The following MAP2K3 variants were observed in gnomAD, a reference collection of about 807,000 sequenced individuals.
MAP2K3 encodes mitogen-activated protein kinase kinase 3.
In MAP2K3, 30 loss-of-function variants were observed where a neutral mutation model predicts 46.4. The observed-to-expected ratio is 0.65, with a 90% CI of 0.48 to 0.88. The LOEUF is 0.88. MAP2K3 is among the 40% of genes least tolerant of loss of function. The probability of loss-of-function intolerance (pLI) is 0.00; values close to 1 mark genes in which losing one functional copy is unlikely to be tolerated. For missense variants in MAP2K3, 380 were observed against 464.5 expected (o/e 0.82, Z 1.67); for synonymous variants, 189 against 176.3 (o/e 1.07, Z -0.57).
chr17:21,289,364 A>G (rs1324849557), intron 1 of MAP2K3, among the ~76,000 whole-genome samples: 1 of 147,258 alleles, frequency 6.8e-6, no homozygotes, highest in Admixed American at 6.9e-5. Context: ...ATTAGAACTC[A>G]GGCCCCTGGG....
intron 1 of MAP2K3, among the ~76,000 whole-genome samples, chr17:21,297,651 G>C (rs1161805949): frequency 6.6e-6 from 1 of 152,310 alleles, no homozygotes; most frequent in African/African-American, 2.4e-5. Flanking sequence ...CAGAAATGCT[G>C]ACCCTCCGTT....
In MAP2K3 at chr17:21,314,366, C is replaced by T. The variant is rs1977310081; in HGVS notation, c.*136C>T. Reference sequence around the variant, plus strand: ...GAGGAACCGAGGGGGCTGCTCCCACCTGGCTCTGTGGCGAGCCATTTGTCC... The same window carrying T: ...GAGGAACCGAGGGGGCTGCTCCCACTTGGCTCTGTGGCGAGCCATTTGTCC... On this transcript the variant is annotated 3_prime_UTR_variant, in exon 12 of 12. Coordinates refer to ENST00000342679, the MANE Select transcript of MAP2K3 (RefSeq NM_145109.3). 1 of 794,538 alleles carries T rather than the reference C, an allele frequency of 1.3e-6. No individual in the cohort carries two copies. Among genetic ancestry groups the T allele is most frequent in the African/African-American group, 1.7e-5 (1 of 58,806 alleles). The allele number at this position is 794,538 out of a possible 1,614,324, so 49.2% of individuals were successfully genotyped here.
chr17:21,295,210 T>C (rs1976171482), intron 1 of MAP2K3, among the ~76,000 whole-genome samples: 1 of 152,302 alleles, frequency 6.6e-6, no homozygotes, highest in African/African-American at 2.4e-5. Context: ...GGTCGGGGGC[T>C]CTAGTTGGGG....
Position 21,300,940 on chromosome 17 carries a change from C to T in MAP2K3, c.346C>T (p.Arg116Cys), listed in dbSNP as rs769330208. 53 of 1,614,084 alleles carry T rather than the reference C, an allele frequency of 3.3e-5. No homozygotes were observed. The African/African-American group carries it at 4.3e-4, about 13-fold the overall frequency. The change falls in exon 5 of 12, where the codon CGC (arginine) becomes TGC (cysteine). Residue 116 changes from arginine (R) to cysteine (C), a missense_variant. By Grantham distance (180) the Arg-to-Cys change is radical (BLOSUM62 -3). Transcript: ENST00000342679. Reference protein sequence around the residue: ...RLLMDLDINMRTVDCFYTVTF... With the variant: ...RLLMDLDINMCTVDCFYTVTF... ...GCTCATGGACCTGGACATCAACATG[C>T]GCACGGTCGACTGTTTCTACACTGT...
intron 1 of MAP2K3, among the ~76,000 whole-genome samples, chr17:21,286,031 A>T (rs1975713604): frequency 6.6e-6 from 1 of 152,128 alleles, no homozygotes; most frequent in Non-Finnish European, 1.5e-5. Flanking sequence ...CTGAACCTGC[A>T]GCTGCTTCAC....
chr17:21,307,317 T>A (rs1311655029), intron 9 of MAP2K3, among the ~76,000 whole-genome samples: 1 of 152,302 alleles, frequency 6.6e-6, no homozygotes, highest in Non-Finnish European at 1.5e-5. Flanking sequence ...AGGAGCTCCA[T>A]GCCAGGAACA....
chr17:21,302,770 G>A (rs1976678136), intron 6 of MAP2K3, among the ~76,000 whole-genome samples: 1 of 152,312 alleles, frequency 6.6e-6, no homozygotes, highest in African/African-American at 2.4e-5. Context: ...CACTGCATCT[G>A]GAAACATTTA....
intron 9 of MAP2K3, among the ~76,000 whole-genome samples, chr17:21,307,667 C>CT (rs1444298095): frequency 6.6e-6 from 1 of 152,230 alleles, no homozygotes; most frequent in Non-Finnish European, 1.5e-5. Context: ...GTGGTTATAA[C>CT]TTTATTTATT....
At position 21,302,150 on chromosome 17, in the gene MAP2K3, T is replaced by G. The variant is rs749679371; in HGVS notation, c.407T>G (p.Val136Gly). 1.2e-6 allele frequency: 2 copies of G among 1,614,258 alleles called. No individual in the cohort carries two copies. Among genetic ancestry groups the G allele is most frequent in the Admixed American group, 1.7e-5 (1 of 60,032 alleles). Residue 136 changes from valine (V) to glycine (G), a missense_variant, in exon 6 of 12, where the codon GTG becomes GGG. Physicochemically the swap from Val to Gly is moderately radical, Grantham distance 109 (BLOSUM62 -3). Coordinates refer to ENST00000342679, the MANE Select transcript of MAP2K3 (RefSeq NM_145109.3). ...TCTGGGTGTCACCCACAGGGAGACGTGTGGATCTGCATGGAGCTCATGGAC... is the reference window on the plus strand; with the variant it reads ...TCTGGGTGTCACCCACAGGGAGACGGGTGGATCTGCATGGAGCTCATGGAC... ...FYGALFREGD[V>G]WICMELMDTS...
In MAP2K3 at chr17:21,301,993, G is replaced by C. The variant is rs897189530; in HGVS notation, c.400-150G>C. On this transcript the variant is annotated intron_variant, in intron 5 of 11. Coordinates refer to ENST00000342679, the MANE Select transcript of MAP2K3 (RefSeq NM_145109.3). Reference sequence around the variant, plus strand: ...GGGTGGGGGAAGCGGGCAAGTGGGTGGTGGGTGGGAGCCCGGTGAACTGTG... The same window carrying C: ...GGGTGGGGGAAGCGGGCAAGTGGGTCGTGGGTGGGAGCCCGGTGAACTGTG... The C allele has an allele frequency of 8.1e-4, 616 of 763,852 alleles. No individual in the cohort carries two copies. The African/African-American group carries it at 9.6e-3, about 12-fold the overall frequency. 47.3% of individuals were successfully genotyped at this position (763,852 alleles called of 1,614,324 possible).
chr17:21,311,981 T>C, intron 9 of MAP2K3, 161 bp from the exon 10 acceptor site: 1 of 655,366 alleles, frequency 1.5e-6, no homozygotes, highest in Non-Finnish European at 2.4e-6. Context: ...TCCCCGGCTT[T>C]CTCGCCTTTG....
chr17:21,307,165 C>G (rs963528349), intron 9 of MAP2K3, among the ~76,000 whole-genome samples: 1 of 152,308 alleles, frequency 6.6e-6, no homozygotes, highest in South Asian at 2.1e-4. Flanking sequence ...TTCCCACCCT[C>G]TATAATCAGC....
intron 1 of MAP2K3, chr17:21,296,314 C>A (rs1419635818): frequency 3.0e-6 from 2 of 672,520 alleles, no homozygotes; most frequent in African/African-American, 1.9e-5. Context: ...CACGGCTGCG[C>A]CACTCCAAGC....
At chr17:21,303,034 G>A (rs1235748499) in intron 6 of MAP2K3, 149 bp from the exon 7 acceptor site, 1 of 1,022,868 alleles carries the variant, frequency 9.8e-7, no homozygotes, top group East Asian at 2.6e-5. Context: ...GCCAGGACAG[G>A]GCAGGAGGCT....
chr17:21,296,060 G>A (rs1976226879), intron 1 of MAP2K3: 2 of 1,289,178 alleles, frequency 1.6e-6, no homozygotes, highest in South Asian at 2.5e-5. Context: ...CATTACTTAG[G>A]GCAGTTTTTT....
At chr17:21,307,989 G>T (rs1976982101) in intron 9 of MAP2K3, among the ~76,000 whole-genome samples, 1 of 151,574 alleles carries the variant, frequency 6.6e-6, no homozygotes. Flanking sequence ...CCCAGTAGCT[G>T]GGATTATAGG....
Position 21,285,278 on chromosome 17 carries a change from T to C in MAP2K3, c.49+309T>C, listed in dbSNP as rs372016592. The C allele has an allele frequency of 4.1e-6, 4 of 985,388 alleles. No individual in the cohort carries two copies. In the East Asian group the frequency reaches 3.4e-4, roughly 84 times the overall value. The allele number at this position is 985,388 out of a possible 1,614,324, so 61.0% of individuals were successfully genotyped here. On this transcript the variant is annotated intron_variant, in intron 1 of 11. Transcript: ENST00000342679. ...TCTGACCTCATTTGGGCCTTATGGC[T>C]GCAGCCTGGACATGAACTCTCCCAG... is the stretch of plus-strand genomic sequence containing the variant.
At chr17:21,293,925 C>T (rs1976090517) in intron 1 of MAP2K3, among the ~76,000 whole-genome samples, 2 of 152,422 alleles carry the variant, frequency 1.3e-5, no homozygotes, top group Admixed American at 6.5e-5. Context: ...AGGGGCCCTG[C>T]CTGAAGGTGC....
chr17:21,301,410 G>A (rs984071740), intron 5 of MAP2K3, among the ~76,000 whole-genome samples: 1 of 152,312 alleles, frequency 6.6e-6, no homozygotes, highest in African/African-American at 2.4e-5. Context: ...GGTGTGTGCT[G>A]AGAGAGTGAC....
Sources: allele counts gnomAD v4.1 joint callset (sites outside exome capture counted in the v4.1 genomes callset), GRCh38; gene constraint gnomAD v4.1.1; transcripts MANE v1.5; gene names NCBI Gene and HGNC (gene_info 2026-07-23, HGNC 2026-07-21).